Variants in ZNF804B observed in about 807,000 individuals in gnomAD.
ZNF804B encodes zinc finger 804B.
Under a neutral mutation model 101.4 loss-of-function variants are expected in ZNF804B, and 80 were observed. The ratio of observed to expected loss-of-function variants is 0.79; its 90% CI spans 0.66 to 0.95. The LOEUF is 0.95. Ranked by LOEUF, ZNF804B falls within the 40% of genes least tolerant of loss-of-function variation. The pLI is 0.00. For synonymous variants in ZNF804B, 622 were observed against 558.8 expected (o/e 1.11, Z -1.59); for missense variants, 1,673 against 1,561.9 (o/e 1.07, Z -1.20).
chr7:89,132,310 G>A, intron 1 of ZNF804B, among the ~76,000 whole-genome samples: 1 of 151,986 alleles, frequency 6.6e-6, no homozygotes, highest in South Asian at 2.1e-4. Context: ...GGAATTTTCT[G>A]AAAACAAAAC....
intron 1 of ZNF804B, among the ~76,000 whole-genome samples, chr7:88,885,371 G>A (rs972434114): frequency 1.3e-4 from 20 of 150,996 alleles, no homozygotes; most frequent in Non-Finnish European, 2.2e-4. Context: ...GAACAATACC[G>A]GGTTTTCTCT....
chr7:88,833,281 G>C (rs1791160152), intron 1 of ZNF804B, among the ~76,000 whole-genome samples: 1 of 151,644 alleles, frequency 6.6e-6, no homozygotes, highest in African/African-American at 2.4e-5. Context: ...CAGAATATTT[G>C]AGGATGCAAT....
chr7:88,912,263 T>G (rs1792559792), intron 1 of ZNF804B, among the ~76,000 whole-genome samples: 1 of 152,044 alleles, frequency 6.6e-6, no homozygotes, highest in Non-Finnish European at 1.5e-5. Context: ...TTAATTGGCT[T>G]GCTTGTCTTT....
In ZNF804B at chr7:88,979,033, C is replaced by T. The variant is rs182657899; in HGVS notation, c.108+218949C>T. On this transcript the variant is annotated intron_variant, in intron 1 of 3. Transcript: ENST00000333190. ...TGACAACACTGATTGCAAAAACAAA[C>T]AAAAGACCAAACATGCAAGAGAAAG... Among the ~76,000 whole-genome samples, 325 of 151,940 alleles carry T rather than the reference C, an allele frequency of 2.1e-3. 4 individuals are homozygous for T. The highest frequency in any genetic ancestry group is 7.5e-3 in the African/African-American group (312 of 41,526).
chr7:89,083,732 A>AT (rs964307927), intron 1 of ZNF804B, among the ~76,000 whole-genome samples: 15 of 151,314 alleles, frequency 9.9e-5, no homozygotes, highest in East Asian at 1.9e-4. Flanking sequence ...AACTTTGAAG[A>AT]TTTTTTTTTC....
At chr7:88,942,521 TGTGTGTGTG>T (rs1793069756) in intron 1 of ZNF804B, among the ~76,000 whole-genome samples, 1 of 150,786 alleles carries the variant, frequency 6.6e-6, no homozygotes, top group Non-Finnish European at 1.5e-5. Flanking sequence ...TGTGTGTGTG[TGTGTGTGTG>T]TTTTGCATTG....
intron 1 of ZNF804B, among the ~76,000 whole-genome samples, chr7:88,898,985 C>A (rs192261790): frequency 2.0e-5 from 3 of 152,252 alleles, no homozygotes; most frequent in East Asian, 3.9e-4. Context: ...CAGAGCCAAC[C>A]CTTAAGTTCC....
At chr7:88,948,225 T>A (rs1460647649) in intron 1 of ZNF804B, among the ~76,000 whole-genome samples, 1 of 151,082 alleles carries the variant, frequency 6.6e-6, no homozygotes, top group Non-Finnish European at 1.5e-5. Context: ...TCTATGATAA[T>A]GAGTCCTAAA....
intron 2 of ZNF804B, among the ~76,000 whole-genome samples, chr7:89,235,780 T>C (rs1789270080): frequency 6.6e-6 from 1 of 151,744 alleles, no homozygotes; most frequent in Non-Finnish European, 1.5e-5. Flanking sequence ...TTCTGAGGAA[T>C]GTAACAATTG....
At chr7:88,916,014 T>C (rs1792628398) in intron 1 of ZNF804B, among the ~76,000 whole-genome samples, 2 of 152,014 alleles carry the variant, frequency 1.3e-5, no homozygotes, top group African/African-American at 4.8e-5. Context: ...TAAATCACCT[T>C]AAATTTTTCC....
At chr7:88,846,250 A>G (rs796143979) in intron 1 of ZNF804B, among the ~76,000 whole-genome samples, 46 of 152,330 alleles carry the variant, frequency 3.0e-4, no homozygotes, top group African/African-American at 1.1e-3. Context: ...TGCATCTGTA[A>G]AACCACCCGC....
At chr7:89,008,246 A>G (rs756748) in intron 1 of ZNF804B, among the ~76,000 whole-genome samples, 128,646 of 152,094 alleles carry the variant, frequency 0.85, 54,824 homozygotes, top group African/African-American at 0.95. Flanking sequence ...AGTTAAAAAA[A>G]AATCACAGTT....
At chr7:88,920,183 C>T (rs997015489) in intron 1 of ZNF804B, among the ~76,000 whole-genome samples, 7 of 152,152 alleles carry the variant, frequency 4.6e-5, no homozygotes, top group African/African-American at 1.7e-4. Context: ...AATCAGAACT[C>T]TCCTTCATAA....
chr7:88,817,225 C>CTGT (rs1191740316), intron 1 of ZNF804B, among the ~76,000 whole-genome samples: 1 of 151,462 alleles, frequency 6.6e-6, no homozygotes, highest in Non-Finnish European at 1.5e-5. Flanking sequence ...ACAGTGGGGC[C>CTGT]TGTTGTGGGA....
At chr7:89,068,055 C>A (rs1023983839) in intron 1 of ZNF804B, among the ~76,000 whole-genome samples, 9 of 149,640 alleles carry the variant, frequency 6.0e-5, no homozygotes, top group Non-Finnish European at 1.2e-4. Flanking sequence ...AATGCTTAAA[C>A]CAGTATGGAT....
chr7:89,314,364 C>A (rs978238345), intron 2 of ZNF804B, among the ~76,000 whole-genome samples: 3 of 151,922 alleles, frequency 2.0e-5, no homozygotes, highest in African/African-American at 7.3e-5. Context: ...TTCGACTTCT[C>A]CTTTGCAAAA....
intron 1 of ZNF804B, among the ~76,000 whole-genome samples, chr7:88,985,813 C>T (rs1229452458): frequency 2.0e-5 from 3 of 152,046 alleles, no homozygotes; most frequent in Admixed American, 1.3e-4. Flanking sequence ...CATGGGTCAC[C>T]TGTTGATCAT....
At chr7:89,311,942 C>G (rs902272019) in intron 2 of ZNF804B, among the ~76,000 whole-genome samples, 7 of 152,110 alleles carry the variant, frequency 4.6e-5, no homozygotes, top group African/African-American at 1.4e-4. Context: ...TGTACCACAG[C>G]TGACTTGGAT....
At chr7:89,214,163 C>T (rs1194555043) in intron 1 of ZNF804B, among the ~76,000 whole-genome samples, 4 of 152,036 alleles carry the variant, frequency 2.6e-5, no homozygotes, top group Non-Finnish European at 2.9e-5. Context: ...TTGGCATTAC[C>T]GAATGTTTTA....
Sources: allele counts gnomAD v4.1 joint callset (sites outside exome capture counted in the v4.1 genomes callset), GRCh38; gene constraint gnomAD v4.1.1; transcripts MANE v1.5; gene names NCBI Gene and HGNC (gene_info 2026-07-23, HGNC 2026-07-21).